ACTR5: variants seen among roughly 807,000 people sequenced by gnomAD.
The protein encoded by ACTR5 is actin related protein 5.
ACTR5 carries 43 observed loss-of-function variants against 61.2 expected under a neutral mutation model. The observed-to-expected ratio is 0.70, with a 90% CI of 0.55 to 0.91. The LOEUF is 0.91. ACTR5 is among the 40% of genes least tolerant of loss of function. The probability of loss-of-function intolerance (pLI) is 0.00; values close to 1 mark genes in which losing one functional copy is unlikely to be tolerated. For synonymous variants in ACTR5, 333 were observed against 310.5 expected (o/e 1.07, Z -0.76); for missense variants, 798 against 782.2 (o/e 1.02, Z -0.24).
chr20:38,765,744 T>C (rs991886025), intron 6 of ACTR5, among the ~76,000 whole-genome samples: 11 of 152,152 alleles, frequency 7.2e-5, no homozygotes, highest in Admixed American at 2.0e-4. Flanking sequence ...GGCAGAAACA[T>C]TTGGTAAAGT....
intron 5 of ACTR5, among the ~76,000 whole-genome samples, chr20:38,756,802 G>A (rs1003718827): frequency 6.6e-6 from 1 of 152,336 alleles, no homozygotes; most frequent in East Asian, 1.9e-4. Context: ...TACTTGGGAG[G>A]CTGAGGCAGG....
chr20:38,750,118 G>C lies in ACTR5; in HGVS notation c.484G>C (p.Ala162Pro). The C allele has an allele frequency of 6.2e-7, 1 of 1,614,190 alleles. No homozygotes were observed. The highest frequency in any genetic ancestry group is 8.5e-7 in the Non-Finnish European group (1 of 1,180,030). The change falls in exon 2 of 9, where the codon GCC (alanine) becomes CCC (proline). Residue 162 changes from alanine (A) to proline (P), a missense_variant. Transcript: ENST00000243903. ...TGAGTGCTACGGGATTCCCAAGGTT[G>C]CCTATGGAATAGACAGCCTCTTCAG... ...LFECYGIPKV[A>P]YGIDSLFSFY...
intron 7 of ACTR5, 33 bp downstream of exon 7, chr20:38,766,410 T>C: frequency 6.5e-7 from 1 of 1,549,388 alleles, no homozygotes; most frequent in Non-Finnish European, 8.7e-7. Flanking sequence ...CCTTCTATCT[T>C]CCTGAACCAT....
At chr20:38,749,029 C>G (rs2084370310) in intron 1 of ACTR5, among the ~76,000 whole-genome samples, 176 bp downstream of exon 1, 1 of 152,172 alleles carries the variant, frequency 6.6e-6, no homozygotes. Context: ...CTCCTTGTAT[C>G]TTGGAGCATA....
intron 5 of ACTR5, among the ~76,000 whole-genome samples, 169 bp downstream of exon 5, chr20:38,756,208 G>T (rs2084419270): frequency 6.6e-6 from 1 of 152,170 alleles, no homozygotes; most frequent in South Asian, 2.1e-4. Context: ...TGTCAGAAGG[G>T]ATTTCACCCT....
At chr20:38,765,307 TG>T in intron 5 of ACTR5, 94 bp from the exon 6 acceptor site, 2 of 874,320 alleles carry the variant, frequency 2.3e-6, no homozygotes, top group Non-Finnish European at 3.7e-6. Flanking sequence ...TTTAGAACAT[TG>T]GGCAAGATCC....
chr20:38,770,083 T>C (rs1358531847), intron 8 of ACTR5, among the ~76,000 whole-genome samples: 1 of 152,244 alleles, frequency 6.6e-6, no homozygotes, highest in Non-Finnish European at 1.5e-5. Context: ...TTTGCTGTTA[T>C]GGTGTCACCT....
At position 38,748,567 on chromosome 20, in the gene ACTR5, C is replaced by A. The variant is rs1207579936; in HGVS notation, c.89C>A (p.Pro30Gln). The A allele has an allele frequency of 6.6e-7, 1 of 1,519,954 alleles. No homozygotes were observed. Among genetic ancestry groups the A allele is most frequent in the Non-Finnish European group, 8.8e-7 (1 of 1,136,944 alleles). The allele number at this position is 1,519,954 out of a possible 1,614,324, so 94.2% of individuals were successfully genotyped here. The change falls in exon 1 of 9, where the codon CCG becomes CAG. Residue 30 changes from proline to glutamine, a missense_variant. Coordinates refer to ENST00000243903, the MANE Select transcript of ACTR5 (RefSeq NM_024855.4). ...GGCCCGGTGGCACACGGGCCACTGC[C>A]GGTACCGCTGGTGCTGGACAACGGG... ...EAGPVAHGPL[P>Q]VPLVLDNGSF... is the part of the protein sequence containing the mutation.
chr20:38,749,946 CT>C (rs1361830175), intron 1 of ACTR5, 63 bp from the exon 2 acceptor site: 1 of 1,458,132 alleles, frequency 6.9e-7, no homozygotes, highest in East Asian at 2.3e-5. Flanking sequence ...ATTTTGGGTT[CT>C]TTTATGCTTC....
At position 38,765,418 on chromosome 20, in the gene ACTR5, A is replaced by T; in HGVS notation, c.1193A>T (p.Gln398Leu). The change falls in exon 6 of 9, where the codon CAG becomes CTG. Residue 398 changes from glutamine to leucine, a missense_variant. Physicochemically the swap from Gln to Leu is moderately radical, Grantham distance 113. Transcript: ENST00000243903. ...TTCTCTTAGACCCCTGACCTGGAGC[A>T]GCTGGAGCCGTCTTTGGAAGATGTG... The part of the protein sequence containing the change: ...DSKPETPDLE[Q>L]LEPSLEDVES... 2 of 1,614,202 alleles carry T rather than the reference A, an allele frequency of 1.2e-6. No homozygotes were observed. Among genetic ancestry groups the T allele is most frequent in the Non-Finnish European group, 1.7e-6 (2 of 1,180,016 alleles).
At position 38,748,662 on chromosome 20, in the gene ACTR5, C is replaced by T. The variant is rs1481464693; in HGVS notation, c.184C>T (p.Arg62Cys). ...AGGTCCCGAGCCGCGCCTGCAGTTCCGCGCGGTGTGCGCCCGCGGTCGTGG... is the reference window on the plus strand; with the variant it reads ...AGGTCCCGAGCCGCGCCTGCAGTTCTGCGCGGTGTGCGCCCGCGGTCGTGG... ...DPGPEPRLQFRAVCARGRGGA... is the reference protein window; with the variant it reads ...DPGPEPRLQFCAVCARGRGGA... The change falls in exon 1 of 9, where the codon CGC (arginine) becomes TGC (cysteine). Residue 62 changes from arginine (R) to cysteine (C), a missense_variant. Physicochemically the swap from Arg to Cys is radical, Grantham distance 180. Transcript: ENST00000243903. The T allele has an allele frequency of 2.0e-6, 3 of 1,518,134 alleles. No individual in the cohort carries two copies. The highest frequency in any genetic ancestry group is 1.8e-6 in the Non-Finnish European group (2 of 1,135,674). 94.0% of individuals were successfully genotyped at this position (1,518,134 alleles called of 1,614,324 possible).
chr20:38,769,554 C>A (rs377496334), intron 8 of ACTR5, among the ~76,000 whole-genome samples: 53 of 152,162 alleles, frequency 3.5e-4, no homozygotes, highest in African/African-American at 1.1e-3. Flanking sequence ...CGAGGAGCCG[C>A]GGGAGGGAGG....
At position 38,771,772 on chromosome 20, in the gene ACTR5, A is replaced by T. The variant is rs758145426; in HGVS notation, c.1780A>T (p.Lys594Ter). The T allele has an allele frequency of 6.2e-7, 1 of 1,613,812 alleles. No individual in the cohort carries two copies. The highest frequency in any genetic ancestry group is 1.1e-5 in the South Asian group (1 of 91,046). ...SRSSDAQASS[K>*]GSAAGGGGAG... ...CTCCTCAGATGCCCAGGCATCCAGCAAGGGCTCCGCTGCTGGTGGAGGTGG... is the reference window on the plus strand; with the variant it reads ...CTCCTCAGATGCCCAGGCATCCAGCTAGGGCTCCGCTGCTGGTGGAGGTGG... Residue 594 changes from lysine (K) to a stop codon, truncating the protein, a stop_gained, in exon 9 of 9, where the codon AAG (lysine) becomes TAG (stop). Transcript: ENST00000243903. LOFTEE classifies it high-confidence loss of function.
chr20:38,750,010 G>A lies in ACTR5; in HGVS notation c.376G>A (p.Gly126Ser). Residue 126 changes from glycine to serine, a missense_variant and splice_region_variant, in exon 2 of 9, where the codon GGC (glycine) becomes AGC (serine). Gly to Ser is a moderately conservative substitution (Grantham distance 56, BLOSUM62 0). Transcript: ENST00000243903. ...SFQHLGVSSQ[G>S]CVDHPIVLTE... ...TATTTGCCCTTTTCTTTCAAAGTAG[G>A]GCTGTGTTGATCATCCCATAGTTTT... 1 of 1,613,186 alleles carries A rather than the reference G, an allele frequency of 6.2e-7. No individual in the cohort carries two copies. Among genetic ancestry groups the A allele is most frequent in the Non-Finnish European group, 8.5e-7 (1 of 1,179,224 alleles).
In ACTR5 at chr20:38,748,583, G is replaced by A; in HGVS notation, c.105G>A (p.Leu35=). The change falls in exon 1 of 9, where the codon CTG becomes CTA. Residue 35 remains leucine (L), a synonymous_variant. Coordinates refer to ENST00000243903, the MANE Select transcript of ACTR5 (RefSeq NM_024855.4). ...GGCCACTGCCGGTACCGCTGGTGCT[G>A]GACAACGGGTCGTTCCAAGTCCGCG... ...AHGPLPVPLV[L]DNGSFQVRAG... 1 of 1,523,448 alleles carries A rather than the reference G, an allele frequency of 6.6e-7. No homozygotes were observed. Among genetic ancestry groups the A allele is most frequent in the Non-Finnish European group, 8.8e-7 (1 of 1,138,006 alleles). 94.4% of individuals were successfully genotyped at this position (1,523,448 alleles called of 1,614,324 possible).
intron 3 of ACTR5, among the ~76,000 whole-genome samples, chr20:38,754,673 C>T (rs1025297916): frequency 9.2e-5 from 14 of 152,096 alleles, no homozygotes; most frequent in East Asian, 1.9e-4. Context: ...GAGCCGAGAT[C>T]GCACCACTGC....
intron 5 of ACTR5, among the ~76,000 whole-genome samples, chr20:38,757,038 A>C (rs1309201428): frequency 6.6e-6 from 1 of 152,186 alleles, no homozygotes; most frequent in Non-Finnish European, 1.5e-5. Context: ...GGATCCTCCC[A>C]CCTCAGCCTT....
chr20:38,763,104 C>T (rs2084464497), intron 5 of ACTR5, among the ~76,000 whole-genome samples: 1 of 152,188 alleles, frequency 6.6e-6, no homozygotes, highest in African/African-American at 2.4e-5. Flanking sequence ...TTTAATATAC[C>T]TTTGGTTGCC....
At chr20:38,766,547 G>T (rs2084488010) in intron 7 of ACTR5, among the ~76,000 whole-genome samples, 170 bp downstream of exon 7, 1 of 152,156 alleles carries the variant, frequency 6.6e-6, no homozygotes, top group Admixed American at 6.5e-5. Flanking sequence ...ACCAGGCCTG[G>T]CACGTAACTG....
Sources: allele counts gnomAD v4.1 joint callset (sites outside exome capture counted in the v4.1 genomes callset), GRCh38; gene constraint gnomAD v4.1.1; transcripts MANE v1.5; gene names NCBI Gene and HGNC (gene_info 2026-07-23, HGNC 2026-07-21).